The following ETV6 variants were observed in gnomAD, a reference collection of about 807,000 sequenced individuals.
The protein encoded by ETV6 is ETS variant transcription factor 6, also known as transcription factor ETV6.
ETV6 carries 16 observed loss-of-function variants against 51.1 expected under a neutral mutation model. That is an observed-to-expected ratio of 0.31 (90% CI 0.21 to 0.48). The LOEUF (loss-of-function observed/expected upper bound fraction) is 0.48. Ranked by LOEUF, ETV6 falls within the 20% of genes least tolerant of loss-of-function variation. The pLI is 0.99. For missense variants in ETV6, 458 were observed against 594.8 expected (o/e 0.77, Z 2.39); for synonymous variants, 240 against 224.1 (o/e 1.07, Z -0.64).
At chr12:11,831,961 G>C (rs1946251287) in intron 2 of ETV6, among the ~76,000 whole-genome samples, 1 of 152,196 alleles carries the variant, frequency 6.6e-6, no homozygotes, top group Admixed American at 6.5e-5. Flanking sequence ...CCAGAGAGAT[G>C]ATGCCAATTT....
intron 1 of ETV6, among the ~76,000 whole-genome samples, chr12:11,651,089 A>G (rs1348356521): frequency 1.3e-5 from 2 of 152,248 alleles, no homozygotes; most frequent in East Asian, 3.8e-4. Context: ...AGGATGATTT[A>G]TCCATCTACC....
intron 1 of ETV6, among the ~76,000 whole-genome samples, chr12:11,707,920 C>T (rs1054959325): frequency 6.6e-6 from 1 of 152,240 alleles, no homozygotes; most frequent in African/African-American, 2.4e-5. Context: ...TTGTCTCCTC[C>T]TATCTTATGG....
chr12:11,883,277 T>C (rs377141809), intron 5 of ETV6, among the ~76,000 whole-genome samples: 21 of 9,416 alleles, frequency 2.2e-3, no homozygotes, highest in African/African-American at 4.0e-3. Flanking sequence ...TGTCTTCTTC[T>C]TTTTTTTTTT....
intron 1 of ETV6, among the ~76,000 whole-genome samples, chr12:11,671,949 A>C (rs1333554918): frequency 6.6e-6 from 1 of 151,850 alleles, no homozygotes; most frequent in Admixed American, 6.6e-5. Flanking sequence ...GAAAAAAAAA[A>C]ACACAAATCA....
chr12:11,870,124 TA>T (rs2136542273), intron 5 of ETV6, among the ~76,000 whole-genome samples, 155 bp downstream of exon 5: 1 of 152,094 alleles, frequency 6.6e-6, no homozygotes, highest in East Asian at 1.9e-4. Context: ...TGGATGAGGC[TA>T]AATCCCTAAT....
In ETV6 at chr12:11,704,721, A is replaced by G. The variant is rs563973861; in HGVS notation, c.34-47729A>G. ...TACAACATGATATTATGGGATACAT[A>G]TAGCTAATAGAATGGGTTGCTATAG... On this transcript the variant is annotated intron_variant, in intron 1 of 7. Coordinates refer to ENST00000396373, the MANE Select transcript of ETV6 (RefSeq NM_001987.5). 3.9e-5 allele frequency among the ~76,000 whole-genome samples: 6 copies of G among 152,304 alleles called. No individual in the cohort carries two copies. The South Asian group carries it at 6.2e-4, about 16-fold the overall frequency.
At chr12:11,821,343 G>A (rs910271812) in intron 2 of ETV6, among the ~76,000 whole-genome samples, 4 of 152,118 alleles carry the variant, frequency 2.6e-5, no homozygotes, top group Non-Finnish European at 5.9e-5. Context: ...TCCAGCCTGG[G>A]CAACAGAGTG....
intron 2 of ETV6, among the ~76,000 whole-genome samples, chr12:11,817,309 T>C (rs764951948): frequency 1.3e-5 from 2 of 152,238 alleles, no homozygotes; most frequent in Non-Finnish European, 2.9e-5. Context: ...TCAATACTTA[T>C]TCTCGTAGAA....
rs767505899 is a variant in ETV6, at chr12:11,893,137, C to T, written c.*2091C>T. Reference sequence around the variant, plus strand: ...TAGGACATGGTGATCCCTATTTCAGCCTCTAAGATGACTGGTATTCTATCT... The same window carrying T: ...TAGGACATGGTGATCCCTATTTCAGTCTCTAAGATGACTGGTATTCTATCT... On this transcript the variant is annotated 3_prime_UTR_variant, in exon 8 of 8. Coordinates refer to ENST00000396373, the MANE Select transcript of ETV6 (RefSeq NM_001987.5). The T allele has an allele frequency of 4.3e-6, 1 of 232,822 alleles. No homozygotes were observed. Among genetic ancestry groups the T allele is most frequent in the East Asian group, 6.1e-5 (1 of 16,508 alleles). The allele number at this position is 232,822 out of a possible 1,614,324, so 14.4% of individuals were successfully genotyped here.
intron 2 of ETV6, among the ~76,000 whole-genome samples, chr12:11,828,530 A>G (rs1229827943): frequency 6.6e-6 from 1 of 152,202 alleles, no homozygotes; most frequent in Non-Finnish European, 1.5e-5. Context: ...TCACAGGTAC[A>G]TATTGTCAGA....
At chr12:11,661,369 C>T (rs904975264) in intron 1 of ETV6, among the ~76,000 whole-genome samples, 2 of 152,242 alleles carry the variant, frequency 1.3e-5, no homozygotes, top group African/African-American at 4.8e-5. Flanking sequence ...TGGTGCTTTG[C>T]ACTTTTGAGA....
intron 1 of ETV6, among the ~76,000 whole-genome samples, chr12:11,694,583 C>T (rs777381348): frequency 1.3e-5 from 2 of 152,214 alleles, no homozygotes; most frequent in Non-Finnish European, 2.9e-5. Flanking sequence ...ACATGGCTCT[C>T]GCTTTCAAAA....
intron 1 of ETV6, among the ~76,000 whole-genome samples, chr12:11,667,544 T>C (rs895379661): frequency 3.3e-5 from 5 of 151,794 alleles, no homozygotes; most frequent in Non-Finnish European, 5.9e-5. Flanking sequence ...TTTCTTTTTT[T>C]TTTTTTTAAA....
chr12:11,847,027 G>A (rs1253111802), intron 3 of ETV6, among the ~76,000 whole-genome samples: 8 of 152,132 alleles, frequency 5.3e-5, no homozygotes, highest in Admixed American at 2.6e-4. Flanking sequence ...CAGAGGATCG[G>A]CATGGCAAGG....
intron 5 of ETV6, among the ~76,000 whole-genome samples, chr12:11,873,322 G>A (rs1316910075): frequency 6.6e-6 from 1 of 152,118 alleles, no homozygotes; most frequent in Non-Finnish European, 1.5e-5. Flanking sequence ...GGATACCCCT[G>A]TGTGTACTCC....
chr12:11,789,962 A>C (rs1219714969), intron 2 of ETV6, among the ~76,000 whole-genome samples: 1 of 152,074 alleles, frequency 6.6e-6, no homozygotes, highest in African/African-American at 2.4e-5. Context: ...CATTCTGGGA[A>C]CTGTCCTCCT....
chr12:11,732,336 G>T (rs189292887), intron 1 of ETV6, among the ~76,000 whole-genome samples: 12 of 152,212 alleles, frequency 7.9e-5, no homozygotes, highest in Middle Eastern at 3.4e-3. Flanking sequence ...CAAGAAGTGT[G>T]ATCTCAAATA....
rs140137543 is a variant in ETV6, at chr12:11,878,119, A to G, written c.1010-6326A>G. On this transcript the variant is annotated intron_variant, in intron 5 of 7. Coordinates refer to ENST00000396373, the MANE Select transcript of ETV6 (RefSeq NM_001987.5). ...CTCCCTGAAGCTTTGCCTGCTGTCC[A>G]TATTTGGAGGGGATGAATAAGATGA... Among the ~76,000 whole-genome samples, 265 of 152,184 alleles carry G rather than the reference A, an allele frequency of 1.7e-3. 1 individual carries two copies. The highest frequency in any genetic ancestry group is 5.8e-3 in the African/African-American group (239 of 41,520).
chr12:11,785,724 C>T (rs1945475077), intron 2 of ETV6, among the ~76,000 whole-genome samples: 1 of 152,212 alleles, frequency 6.6e-6, no homozygotes, highest in Non-Finnish European at 1.5e-5. Context: ...ATATCTTCCT[C>T]TGCAGAGTAG....
Sources: gnomAD v4.1 joint callset for allele counts (sites outside exome capture counted in the v4.1 genomes callset) on GRCh38, gnomAD v4.1.1 for gene constraint, MANE v1.5 for transcripts, NCBI Gene and HGNC (gene_info 2026-07-23, HGNC 2026-07-21) for gene names.